Variants in HAPSTR1 observed in about 807,000 individuals in gnomAD.
HAPSTR1 encodes the protein HUWE1 associated protein modifying stress responses.
chr16:9,092,067 G>A, the HAPSTR1 span: 4 of 1,533,072 alleles, frequency 2.6e-6, no homozygotes, highest in South Asian at 4.9e-5. Context: ...AAGGAGGAGG[G>A]CGAGGCCGAG....
the HAPSTR1 span, among the ~76,000 whole-genome samples, chr16:9,096,151 C>T: frequency 6.6e-6 from 1 of 152,112 alleles, no homozygotes; most frequent in African/African-American, 2.4e-5. Flanking sequence ...CATTGTGCTC[C>T]TTGACTTAAT....
chr16:9,092,475 C>T, the HAPSTR1 span, among the ~76,000 whole-genome samples: 1 of 152,164 alleles, frequency 6.6e-6, no homozygotes, highest in Admixed American at 6.5e-5. Flanking sequence ...CAGGCCAGAG[C>T]CGGCGTGGGG....
the HAPSTR1 span, chr16:9,118,041 C>T: frequency 2.0e-5 from 3 of 152,666 alleles, no homozygotes; most frequent in South Asian, 4.1e-4. Context: ...GTTAGGTAGA[C>T]CTAAATAAAA....
At chr16:9,106,760 C>G in the HAPSTR1 span, 1 of 151,958 alleles carries the variant, frequency 6.6e-6, no homozygotes, top group Non-Finnish European at 1.5e-5. Context: ...CATGCATGTG[C>G]TAAATTGATT....
At chr16:9,097,099 C>G in the HAPSTR1 span, among the ~76,000 whole-genome samples, 1 of 152,074 alleles carries the variant, frequency 6.6e-6, no homozygotes, top group Admixed American at 6.5e-5. Context: ...GCCACCACAC[C>G]AGGCTACTTT....
At chr16:9,094,815 G>A in the HAPSTR1 span, among the ~76,000 whole-genome samples, 1 of 152,314 alleles carries the variant, frequency 6.6e-6, no homozygotes, top group African/African-American at 2.4e-5. Context: ...TATGTGCCAG[G>A]TTCTTAGCCT....
chr16:9,097,839 C>A, the HAPSTR1 span, among the ~76,000 whole-genome samples: 1 of 152,224 alleles, frequency 6.6e-6, no homozygotes, highest in East Asian at 1.9e-4. Flanking sequence ...ATAACGGGGT[C>A]ACTTGCTTAC....
At chr16:9,094,360 G>C in the HAPSTR1 span, among the ~76,000 whole-genome samples, 575 of 152,180 alleles carry the variant, frequency 3.8e-3, 4 homozygotes, top group African/African-American at 0.012. Flanking sequence ...TGACGGTCTT[G>C]AACGTTTTGG....
chr16:9,110,525 A>G, the HAPSTR1 span: 2 of 152,184 alleles, frequency 1.3e-5, no homozygotes, highest in East Asian at 1.9e-4. Flanking sequence ...TGCCAGAGTG[A>G]TATAGAAAGG....
At chr16:9,096,463 G>C in the HAPSTR1 span, among the ~76,000 whole-genome samples, 1 of 152,166 alleles carries the variant, frequency 6.6e-6, no homozygotes, top group Non-Finnish European at 1.5e-5. Context: ...ATGCCCTTAA[G>C]TCCTCACTTT....
the HAPSTR1 span, among the ~76,000 whole-genome samples, chr16:9,116,303 C>T: frequency 1.3e-5 from 2 of 152,086 alleles, no homozygotes; most frequent in African/African-American, 2.4e-5. Context: ...CTTTGGGTAA[C>T]CAAAAATGTC....
the HAPSTR1 span, chr16:9,092,329 G>C: frequency 7.7e-7 from 1 of 1,301,158 alleles, no homozygotes; most frequent in Non-Finnish European, 9.8e-7. Context: ...GCCCGGCCCC[G>C]GCCCTATCGG....
the HAPSTR1 span, among the ~76,000 whole-genome samples, chr16:9,116,207 C>T: frequency 1.3e-5 from 2 of 152,162 alleles, no homozygotes; most frequent in Non-Finnish European, 2.9e-5. Context: ...TTGGAACAAG[C>T]CCACCTAGGC....
At chr16:9,119,934 G>A in the HAPSTR1 span, 7 of 152,230 alleles carry the variant, frequency 4.6e-5, no homozygotes, top group Non-Finnish European at 8.8e-5. Flanking sequence ...AACCCAGAGG[G>A]CTAGTCAGCC....
the HAPSTR1 span, chr16:9,108,117 A>G: frequency 1.3e-5 from 2 of 152,148 alleles, no homozygotes; most frequent in African/African-American, 2.4e-5. Context: ...CCTTAGGGTG[A>G]TAACCATTAA....
At chr16:9,109,094 A>G in the HAPSTR1 span, 346 of 152,288 alleles carry the variant, frequency 2.3e-3, no homozygotes, top group African/African-American at 8.0e-3. Context: ...CACTGGAGGG[A>G]TCAGATCATT....
chr16:9,103,786 G>A, the HAPSTR1 span: 4 of 154,410 alleles, frequency 2.6e-5, no homozygotes, highest in Admixed American at 1.3e-4. Flanking sequence ...CACTTTAAGA[G>A]GCAGGACCAG....
At chr16:9,092,354 CGGGGGGCCGCGACG>C in the HAPSTR1 span, 4 of 1,171,248 alleles carry the variant, frequency 3.4e-6, no homozygotes, top group Non-Finnish European at 3.2e-6. Flanking sequence ...GCGGCCGCTT[CGGGGGGCCGCGACG>C]GCGGCGGCCT....
the HAPSTR1 span, chr16:9,092,906 TGGCTTGC>T: frequency 2.6e-6 from 4 of 1,551,876 alleles, no homozygotes; most frequent in South Asian, 2.4e-5. Context: ...TTTTTTTTTT[TGGCTTGC>T]TTTTCAGACC....
Sources: gnomAD v4.1 joint callset for allele counts (sites outside exome capture counted in the v4.1 genomes callset) on GRCh38, gnomAD v4.1.1 for gene constraint, MANE v1.5 for transcripts, NCBI Gene and HGNC (gene_info 2026-07-23, HGNC 2026-07-21) for gene names.